The following GADL1 variants were observed in gnomAD, a reference collection of about 807,000 sequenced individuals.
The protein encoded by GADL1 is acidic amino acid decarboxylase GADL1.
Under a neutral mutation model 69.5 loss-of-function variants are expected in GADL1, and 71 were observed. The observed-to-expected ratio is 1.02, with a 90% CI of 0.84 to 1.25. GADL1 has a LOEUF of 1.25. Among genes scored for constraint, GADL1 ranks in the 50% most tolerant of loss-of-function variants. The pLI, the probability that GADL1 is intolerant of heterozygous loss-of-function variation, is 0.00. For missense variants in GADL1, 737 were observed against 631.8 expected, an observed-to-expected ratio of 1.17 and a Z score of -1.79; for synonymous variants, 254 against 214.4, an observed-to-expected ratio of 1.18 and a Z score of -1.62.
chr3:30,749,292 G>T (rs903759946), intron 14 of GADL1, among the ~76,000 whole-genome samples: 3 of 152,180 alleles, frequency 2.0e-5, no homozygotes. Flanking sequence ...GTTACATAAG[G>T]TCTGAAAGCC....
chr3:30,767,821 A>G (rs1696318405), intron 14 of GADL1, among the ~76,000 whole-genome samples: 1 of 152,204 alleles, frequency 6.6e-6, no homozygotes, highest in Non-Finnish European at 1.5e-5. Flanking sequence ...TTTGCATTCC[A>G]TGCTACAAAG....
At chr3:30,819,891 A>G (rs1275271810) in intron 11 of GADL1, among the ~76,000 whole-genome samples, 1 of 152,122 alleles carries the variant, frequency 6.6e-6, no homozygotes, top group Non-Finnish European at 1.5e-5. Context: ...CAGAAAATTA[A>G]TAGTTCAATG....
At chr3:30,877,954 T>C (rs148874474) in intron 1 of GADL1, among the ~76,000 whole-genome samples, 1 of 152,062 alleles carries the variant, frequency 6.6e-6, no homozygotes, top group East Asian at 1.9e-4. Context: ...TTATTAGCAC[T>C]ACACCAAAAA....
intron 11 of GADL1, among the ~76,000 whole-genome samples, chr3:30,818,941 A>T (rs557351287): frequency 6.6e-6 from 1 of 152,114 alleles, no homozygotes; most frequent in East Asian, 1.9e-4. Context: ...TCCAGGCTTC[A>T]TTGTGTCTTG....
intron 1 of GADL1, among the ~76,000 whole-genome samples, chr3:30,866,935 T>C (rs1471884049): frequency 6.6e-6 from 1 of 152,070 alleles, no homozygotes; most frequent in Non-Finnish European, 1.5e-5. Context: ...TTGGAAGTCA[T>C]CTTATCTAAC....
rs574872971 is a variant in GADL1, at chr3:30,812,950, G to A, written c.1051-11862C>T. Among the ~76,000 whole-genome samples the A allele has an allele frequency of 3.9e-5, 6 of 152,182 alleles. No homozygotes were observed. The South Asian group carries it at 1.2e-3, about 32-fold the overall frequency. On this transcript the variant is annotated intron_variant, in intron 11 of 14. Transcript: ENST00000282538. ...AGAGAAGGAAGGGGAAATAAAAAGGGGAGAATGTGGAACAGAAGAAATGAG... is the reference window on the plus strand; with the variant it reads ...AGAGAAGGAAGGGGAAATAAAAAGGAGAGAATGTGGAACAGAAGAAATGAG...
chr3:30,832,329 A>T (rs1697805516), intron 11 of GADL1, among the ~76,000 whole-genome samples: 1 of 150,146 alleles, frequency 6.7e-6, no homozygotes, highest in African/African-American at 2.5e-5. Context: ...AGATTCAGGA[A>T]TGAATTCTTT....
intron 11 of GADL1, among the ~76,000 whole-genome samples, chr3:30,810,878 C>A (rs375268599): frequency 4.3e-4 from 65 of 152,258 alleles, no homozygotes; most frequent in African/African-American, 1.5e-3. Context: ...GTCCCTCCCC[C>A]TCCTGCTACA....
chr3:30,771,296 A>AAG (rs1455841401), intron 14 of GADL1, among the ~76,000 whole-genome samples: 1 of 152,224 alleles, frequency 6.6e-6, no homozygotes, highest in Non-Finnish European at 1.5e-5. Context: ...AGAATGGCAT[A>AAG]AGAACAAAAC....
In GADL1 at chr3:30,728,421, TG is replaced by T. The variant is rs1334798493; in HGVS notation, c.1393-7del. 1 of 1,612,680 alleles carries T rather than the reference TG, an allele frequency of 6.2e-7. No individual in the cohort carries two copies. The highest frequency in any genetic ancestry group is 1.7e-5 in the Admixed American group (1 of 59,960). On this transcript the variant is annotated splice_region_variant and splice_polypyrimidine_tract_variant and intron_variant, in intron 14 of 14. Transcript: ENST00000282538. ...TCCTTAATGGCTGGGGCCACCTGTGTGGGGAGAAAAGGGGAGAGGGGTGAAA... is the reference window on the plus strand; with the variant it reads ...TCCTTAATGGCTGGGGCCACCTGTGTGGGAGAAAAGGGGAGAGGGGTGAAA...
chr3:30,829,766 C>T (rs1697754647), intron 11 of GADL1, among the ~76,000 whole-genome samples: 2 of 151,816 alleles, frequency 1.3e-5, no homozygotes, highest in South Asian at 4.2e-4. Flanking sequence ...ACTTGCTAGG[C>T]ACTGACAACA....
At chr3:30,735,101 G>C (rs376139799) in intron 14 of GADL1, among the ~76,000 whole-genome samples, 1 of 151,968 alleles carries the variant, frequency 6.6e-6, no homozygotes, top group Non-Finnish European at 1.5e-5. Flanking sequence ...TTTCCTTCTG[G>C]AATAGAAAAA....
intron 13 of GADL1, among the ~76,000 whole-genome samples, chr3:30,779,521 T>G (rs2125496627): frequency 1.3e-5 from 2 of 151,870 alleles, no homozygotes; most frequent in East Asian, 2.0e-4. Context: ...ACAGTCATTC[T>G]TACAAATCTA....
At chr3:30,780,011 A>G (rs1696625201) in intron 13 of GADL1, among the ~76,000 whole-genome samples, 1 of 152,154 alleles carries the variant, frequency 6.6e-6, no homozygotes, top group Non-Finnish European at 1.5e-5. Context: ...ACCCCCACCC[A>G]TCTACCCCAG....
rs1174062350 is a variant in GADL1 at position 30,726,586 on chromosome 3, CTG to C, written c.*1654_*1655del. On this transcript the variant is annotated 3_prime_UTR_variant, in exon 15 of 15. Transcript: ENST00000282538. ...TTTGACCAATAGAGATACCGAGAAA[CTG>C]TGCACACTAAAATGAAAATAAGCAA... is the stretch of plus-strand genomic sequence containing the variant. 2.6e-5 allele frequency: 4 copies of C among 152,014 alleles called. No homozygotes were observed. Among genetic ancestry groups the C allele is most frequent in the East Asian group, 1.9e-4 (1 of 5,172 alleles). The allele number at this position is 152,014 out of a possible 1,614,324, so 9.4% of individuals were successfully genotyped here.
chr3:30,744,529 T>TA (rs1695671733), intron 14 of GADL1, among the ~76,000 whole-genome samples: 1 of 151,670 alleles, frequency 6.6e-6, no homozygotes, highest in African/African-American at 2.4e-5. Context: ...TGGGCAACAT[T>TA]AAAAAACTCC....
rs75351426 is a variant in GADL1 at position 30,791,536 on chromosome 3, T to A, written c.1251-5130A>T. On this transcript the variant is annotated intron_variant, in intron 12 of 14. Coordinates refer to ENST00000282538, the MANE Select transcript of GADL1 (RefSeq NM_207359.3). ...AAACTTGCATGTATTAACCATAGTA[T>A]CATTTTAAAATGCTTGTCAAACTGG... Among the ~76,000 whole-genome samples, 2,959 of 152,264 alleles carry A rather than the reference T, an allele frequency of 0.019. 281 individuals are homozygous for A. The East Asian group carries it at 0.32, about 16-fold the overall frequency.
chr3:30,873,382 A>G (rs897838763), intron 1 of GADL1, among the ~76,000 whole-genome samples: 4 of 151,958 alleles, frequency 2.6e-5, no homozygotes. Context: ...AGTTAGAGAA[A>G]GAGAATTGCC....
intron 5 of GADL1, 101 bp downstream of exon 5, chr3:30,850,734 C>T: frequency 3.0e-6 from 2 of 663,904 alleles, no homozygotes; most frequent in Non-Finnish European, 2.7e-6. Context: ...TATTAATATC[C>T]AACTTTTTGT....
Sources: gnomAD v4.1 joint callset for allele counts (sites outside exome capture counted in the v4.1 genomes callset) on GRCh38, gnomAD v4.1.1 for gene constraint, MANE v1.5 for transcripts, NCBI Gene and HGNC (gene_info 2026-07-23, HGNC 2026-07-21) for gene names.